The following RBFOX1 variants were observed in gnomAD, a reference collection of about 807,000 sequenced individuals.
The protein encoded by RBFOX1 is RNA binding protein fox-1 homolog 1.
In RBFOX1, 8 loss-of-function variants were observed where a neutral mutation model predicts 57.7. The observed-to-expected ratio is 0.14, with a 90% CI of 0.08 to 0.25. The LOEUF (loss-of-function observed/expected upper bound fraction) is 0.25. Among genes scored for constraint, RBFOX1 ranks in the 10% least tolerant of loss-of-function variants. The pLI, the probability that RBFOX1 is intolerant of heterozygous loss-of-function variation, is 1.00. For synonymous variants in RBFOX1, 326 were observed against 222.4 expected (o/e 1.47, Z -4.15); for missense variants, 611 against 548.5 (o/e 1.11, Z -1.14).
chr16:5,502,012 C>A (rs868067625), intron 2 of RBFOX1, among the ~76,000 whole-genome samples: 9 of 151,592 alleles, frequency 5.9e-5, no homozygotes, highest in Middle Eastern at 3.4e-3. Context: ...CATGAGCCAC[C>A]ATGCCCAGCT....
intron 4 of RBFOX1, among the ~76,000 whole-genome samples, chr16:7,117,252 G>T (rs1280742664): frequency 6.6e-6 from 1 of 152,114 alleles, no homozygotes; most frequent in Non-Finnish European, 1.5e-5. Flanking sequence ...GGGAAAAACT[G>T]ATCGTTTCAT....
At chr16:6,163,140 G>A (rs1040952451) in intron 1 of RBFOX1, among the ~76,000 whole-genome samples, 1 of 152,144 alleles carries the variant, frequency 6.6e-6, no homozygotes, top group Non-Finnish European at 1.5e-5. Flanking sequence ...GGGTTGTGGT[G>A]TAAGTAGATA....
intron 4 of RBFOX1, among the ~76,000 whole-genome samples, chr16:7,104,283 C>A (rs7193661): frequency 0.67 from 101,555 of 151,922 alleles, 34,419 homozygotes; most frequent in African/African-American, 0.78. Flanking sequence ...CACCCATTCA[C>A]TGGAATTGAG....
rs143990992 is a variant in RBFOX1, at chr16:6,424,620, C to CGTGTGTGTGTGTGTGTGTGT, written c.-64+107572_-64+107573insTGTGTGTGTGTGTGTGTGTG. Among the ~76,000 whole-genome samples, 284 of 150,692 alleles carry CGTGTGTGTGTGTGTGTGTGT rather than the reference C, an allele frequency of 1.9e-3. 1 individual carries two copies. The highest frequency in any genetic ancestry group is 6.9e-3 in the Middle Eastern group (2 of 290). On this transcript the variant is annotated intron_variant, in intron 2 of 15. Transcript: ENST00000550418. ...CTTAAGAGCACTGTGTGTGTGTGTG[C>CGTGTGTGTGTGTGTGTGTGT]GTGTGTGTGAACGTGGGGAGATAAT...
chr16:5,373,890 C>A (rs769251771), intron 1 of RBFOX1, among the ~76,000 whole-genome samples: 27 of 152,144 alleles, frequency 1.8e-4, no homozygotes, highest in Non-Finnish European at 3.1e-4. Context: ...AGGCATGAGC[C>A]ACTGTGCCCA....
At chr16:5,805,694 G>A (rs1042061802) in intron 3 of RBFOX1, among the ~76,000 whole-genome samples, 1 of 152,192 alleles carries the variant, frequency 6.6e-6, no homozygotes, top group Non-Finnish European at 1.5e-5. Context: ...AACTCAGAGG[G>A]CTATAGGAAG....
At chr16:5,403,367 A>C (rs1415571914) in intron 1 of RBFOX1, among the ~76,000 whole-genome samples, 3 of 145,084 alleles carry the variant, frequency 2.1e-5, no homozygotes, top group African/African-American at 5.0e-5. Flanking sequence ...AAAAAAAAAA[A>C]CAAAAAACAA....
At chr16:7,491,091 C>T (rs2066822272) in intron 4 of RBFOX1, among the ~76,000 whole-genome samples, 2 of 152,108 alleles carry the variant, frequency 1.3e-5, no homozygotes, top group Admixed American at 6.6e-5. Flanking sequence ...TACCTGCACC[C>T]ACAAATCTGG....
intron 4 of RBFOX1, among the ~76,000 whole-genome samples, chr16:5,955,356 AAAAATAAAATAAAATAAAAT>A (rs71142658): frequency 3.3e-4 from 9 of 27,248 alleles, no homozygotes; most frequent in African/African-American, 1.2e-3. Context: ...TAAAATAAAT[AAAAATAAAATAAAATAAAAT>A]AAAATAAAAT....
intron 10 of RBFOX1, among the ~76,000 whole-genome samples, chr16:7,613,673 C>T (rs2057951382): frequency 3.9e-5 from 6 of 152,126 alleles, no homozygotes; most frequent in Admixed American, 3.9e-4. Context: ...CATGATTCAT[C>T]TCAGAATTGG....
chr16:6,452,606 T>A (rs1469653744), intron 2 of RBFOX1, among the ~76,000 whole-genome samples: 2 of 152,150 alleles, frequency 1.3e-5, no homozygotes, highest in Admixed American at 6.5e-5. Context: ...AACTCAACTA[T>A]CTAAGCAAAT....
At chr16:6,301,274 G>T (rs945258869) in intron 1 of RBFOX1, among the ~76,000 whole-genome samples, 1 of 152,140 alleles carries the variant, frequency 6.6e-6, no homozygotes, top group South Asian at 2.1e-4. Flanking sequence ...TTTTTGATGG[G>T]TGTCACATGC....
At chr16:5,859,443 C>G (rs1322524746) in intron 3 of RBFOX1, among the ~76,000 whole-genome samples, 1 of 152,172 alleles carries the variant, frequency 6.6e-6, no homozygotes, top group Admixed American at 6.5e-5. Context: ...AATAAGGAAA[C>G]TGAGCCTCAG....
intron 2 of RBFOX1, among the ~76,000 whole-genome samples, chr16:5,556,945 C>G (rs1488419265): frequency 6.6e-6 from 1 of 152,136 alleles, no homozygotes; most frequent in Non-Finnish European, 1.5e-5. Flanking sequence ...CTAGAATTTC[C>G]TCATGTTAAT....
At chr16:5,336,110 T>C (rs986111097) in intron 1 of RBFOX1, among the ~76,000 whole-genome samples, 1 of 152,132 alleles carries the variant, frequency 6.6e-6, no homozygotes, top group Non-Finnish European at 1.5e-5. Context: ...CTCCAAATCA[T>C]TGTGCTTTTT....
intron 4 of RBFOX1, among the ~76,000 whole-genome samples, chr16:5,977,693 T>C (rs1272821493): frequency 6.6e-6 from 1 of 152,050 alleles, no homozygotes; most frequent in Non-Finnish European, 1.5e-5. Flanking sequence ...GTTGTCTGTT[T>C]TGAACTGCAA....
intron 3 of RBFOX1, among the ~76,000 whole-genome samples, chr16:6,921,747 A>ATG (rs894544122): frequency 4.0e-5 from 6 of 151,118 alleles, no homozygotes; most frequent in Admixed American, 1.3e-4. Context: ...GAGCATATGT[A>ATG]TGTGTGTGTG....
chr16:6,767,716 G>C (rs1371511410), intron 3 of RBFOX1, among the ~76,000 whole-genome samples: 2 of 151,658 alleles, frequency 1.3e-5, no homozygotes, highest in African/African-American at 2.4e-5. Flanking sequence ...GAGTTCGAGA[G>C]CAGCCTGGCC....
intron 4 of RBFOX1, among the ~76,000 whole-genome samples, chr16:5,952,467 A>G (rs1465591130): frequency 1.3e-5 from 2 of 151,838 alleles, no homozygotes; most frequent in Non-Finnish European, 2.9e-5. Context: ...TGGTATTTTT[A>G]ATAGAGATGG....
Sources: allele counts gnomAD v4.1 joint callset (sites outside exome capture counted in the v4.1 genomes callset), GRCh38; gene constraint gnomAD v4.1.1; transcripts MANE v1.5; gene names NCBI Gene and HGNC (gene_info 2026-07-23, HGNC 2026-07-21).